ENAM: variants seen among roughly 807,000 people sequenced by gnomAD.
ENAM encodes the protein enamelin.
ENAM carries 21 observed loss-of-function variants against 33.6 expected under a neutral mutation model. That is an observed-to-expected ratio of 0.63 (90% confidence interval 0.44 to 0.90). ENAM has a LOEUF of 0.90. Ranked by LOEUF, ENAM falls within the 40% of genes least tolerant of loss-of-function variation. The pLI, the probability that ENAM is intolerant of heterozygous loss-of-function variation, is 0.00. For missense variants in ENAM, 1,388 were observed against 1,366.9 expected (o/e 1.02, Z -0.24); for synonymous variants, 473 against 468.4 (o/e 1.01, Z -0.13).
In ENAM at chr4:70,643,196, T is replaced by C; in HGVS notation, c.1770T>C (p.Pro590=). ...PGRQEEHLPH[P]SHGSRGSVFY... ...GGCAAGAAGAACATTTACCCCATCC[T>C]TCCCATGGTTCTAGAGGAAGTGTTT... Residue 590 remains proline (P), a synonymous_variant, in exon 9 of 9, where the codon CCT becomes CCC. Transcript: ENST00000396073. 6.2e-7 allele frequency: 1 copy of C among 1,613,814 alleles called. No homozygotes were observed. Among genetic ancestry groups the C allele is most frequent in the Non-Finnish European group, 8.5e-7 (1 of 1,179,950 alleles).
At chr4:70,635,676 T>TTATTATCATTATCGTCTTTGCCC (rs1738432458) in intron 6 of ENAM, among the ~76,000 whole-genome samples, 156 bp from the exon 7 acceptor site, 1 of 152,248 alleles carries the variant, frequency 6.6e-6, no homozygotes, top group East Asian at 1.9e-4. Context: ...ATACTAATTG[T>TTATTATCATTATCGTCTTTGCCC]TATTATCATT....
At position 70,644,178 on chromosome 4, in the gene ENAM, C is replaced by G. The variant is rs1383902742; in HGVS notation, c.2752C>G (p.Gln918Glu). Residue 918 changes from glutamine to glutamate, a missense_variant, in exon 9 of 9, where the codon CAG becomes GAG. Transcript: ENST00000396073. ...PLYTDGSHTK[Q>E]TRDIISPTSI... ...GTATACAGACGGTAGTCATACCAAG[C>G]AGACAAGAGATATCATCTCCCCAAC... 4 of 1,614,108 alleles carry G rather than the reference C, an allele frequency of 2.5e-6. No individual in the cohort carries two copies. Among genetic ancestry groups the G allele is most frequent in the Non-Finnish European group, 3.4e-6 (4 of 1,180,012 alleles).
rs1345692734 is a variant in ENAM at position 70,629,458 on chromosome 4, G to C, written c.-43G>C. 2 of 1,448,192 alleles carry C rather than the reference G, an allele frequency of 1.4e-6. No homozygotes were observed. Among genetic ancestry groups the C allele is most frequent in the Non-Finnish European group, 1.9e-6 (2 of 1,028,756 alleles). 89.7% of individuals were successfully genotyped at this position (1,448,192 alleles called of 1,614,324 possible). On this transcript the variant is annotated 5_prime_UTR_variant, in exon 2 of 9. Coordinates refer to ENST00000396073, the MANE Select transcript of ENAM (RefSeq NM_031889.3). Reference sequence around the variant, plus strand: ...TATTTTAGTTTCTTCTCAGGTTAAAGCTGTATTTTTCTTAAAGGCTTATAA... The same window carrying C: ...TATTTTAGTTTCTTCTCAGGTTAAACCTGTATTTTTCTTAAAGGCTTATAA...
Position 70,643,615 on chromosome 4 carries a change from CATATA to C in ENAM, c.2193_2197del (p.Asn732SerfsTer16), listed in dbSNP as rs1380604932. ...TGGAGCCCGGATGAGAATTTTCCATCATATAATACAGCTTCTACTATGCCACCACC... is the reference window on the plus strand; with the variant it reads ...TGGAGCCCGGATGAGAATTTTCCATCATACAGCTTCTACTATGCCACCACC... On this transcript the variant is annotated frameshift_variant, in exon 9 of 9. Coordinates refer to ENST00000396073, the MANE Select transcript of ENAM (RefSeq NM_031889.3). LOFTEE classifies it low-confidence loss of function (END_TRUNC). 3.1e-6 allele frequency: 5 copies of C among 1,614,048 alleles called. No individual in the cohort carries two copies. Among genetic ancestry groups the C allele is most frequent in the Non-Finnish European group, 4.2e-6 (5 of 1,180,000 alleles).
intron 8 of ENAM, 132 bp from the exon 9 acceptor site, chr4:70,641,883 A>C: frequency 1.3e-6 from 1 of 750,474 alleles, no homozygotes; most frequent in South Asian, 1.5e-5. Context: ...AAATTTCAAG[A>C]AAGAAAGTAA....
In ENAM at chr4:70,634,611, G is replaced by T. The variant is rs377238799; in HGVS notation, c.471+43G>T. ...AAATTCCATATCTGTAAATGGCCTC[G>T]GAGAGATTTGGAGGGCCATGCCACC... On this transcript the variant is annotated intron_variant, in intron 6 of 8. Coordinates refer to ENST00000396073, the MANE Select transcript of ENAM (RefSeq NM_031889.3). The T allele has an allele frequency of 7.6e-6, 12 of 1,586,038 alleles. No individual in the cohort carries two copies. The African/African-American group carries it at 1.6e-4, about 21-fold the overall frequency.
chr4:70,634,558 A>G lies in ENAM; in HGVS notation c.461A>G (p.Gln154Arg), dbSNP rs1440331930. The part of the protein sequence containing the change: ...HNQPQPEEEA[Q>R]PPQAFPPFGN... ...CAACCTCAGCCCGAAGAGGAAGCTC[A>G]ACCCCCTCAGGTGAGACTTGCACAG... The change falls in exon 6 of 9, where the codon CAA (glutamine) becomes CGA (arginine). Residue 154 changes from glutamine to arginine, a missense_variant. Gln to Arg is a conservative substitution (Grantham distance 43). Coordinates refer to ENST00000396073, the MANE Select transcript of ENAM (RefSeq NM_031889.3). 6.2e-7 allele frequency: 1 copy of G among 1,613,184 alleles called. No homozygotes were observed. The highest frequency in any genetic ancestry group is 1.3e-5 in the African/African-American group (1 of 74,908).
Position 70,635,848 on chromosome 4 carries a change from G to C in ENAM, c.488G>C (p.Gly163Ala). ...AQPPQAFPPF[G>A]NGLFPYQQPP... The stretch of plus-strand genomic sequence containing the variant: ...TCTCTCTAGGCATTCCCACCATTTG[G>C]AAATGGGCTATTCCCCTATCAACAA... Residue 163 changes from glycine to alanine, a missense_variant, in exon 7 of 9, where the codon GGA (glycine) becomes GCA (alanine). By Grantham distance (60) the Gly-to-Ala change is moderately conservative. Coordinates refer to ENST00000396073, the MANE Select transcript of ENAM (RefSeq NM_031889.3). 6.2e-7 allele frequency: 1 copy of C among 1,607,862 alleles called. No individual in the cohort carries two copies. The highest frequency in any genetic ancestry group is 8.5e-7 in the Non-Finnish European group (1 of 1,175,094).
chr4:70,638,778 TTTTC>T (rs1035336708), intron 8 of ENAM, among the ~76,000 whole-genome samples: 2 of 151,480 alleles, frequency 1.3e-5, no homozygotes, highest in African/African-American at 4.8e-5. Flanking sequence ...CTTATCTTTC[TTTTC>T]TTTCTTTCTT....
In ENAM at chr4:70,637,440, C is replaced by G. The variant is rs376409157; in HGVS notation, c.535-350C>G. On this transcript the variant is annotated intron_variant, in intron 7 of 8. Transcript: ENST00000396073. Reference sequence around the variant, plus strand: ...AGCACTCAAATTTCTCTCTCTCACCCTCTCTCTGTATGTGTGTGCATGGTG... The same window carrying G: ...AGCACTCAAATTTCTCTCTCTCACCGTCTCTCTGTATGTGTGTGCATGGTG... 6.6e-5 allele frequency among the ~76,000 whole-genome samples: 10 copies of G among 152,206 alleles called. No homozygotes were observed. The East Asian group carries it at 1.9e-3, about 29-fold the overall frequency.
At position 70,644,520 on chromosome 4, in the gene ENAM, G is replaced by T. The variant is rs1282870819; in HGVS notation, c.3094G>T (p.Gly1032Cys). ...GTPDEGSNPEGIQSQVQENES... is the reference protein window; with the variant it reads ...GTPDEGSNPECIQSQVQENES... ...ACCTGATGAAGGCTCCAATCCAGAA[G>T]GCATCCAAAGTCAAGTCCAAGAAAA... is the stretch of plus-strand genomic sequence containing the variant. The change falls in exon 9 of 9, where the codon GGC becomes TGC. Residue 1032 changes from glycine to cysteine, a missense_variant. Coordinates refer to ENST00000396073, the MANE Select transcript of ENAM (RefSeq NM_031889.3). 6.2e-7 allele frequency: 1 copy of T among 1,614,052 alleles called. No homozygotes were observed.
intron 8 of ENAM, among the ~76,000 whole-genome samples, chr4:70,640,935 G>A (rs143420500): frequency 6.6e-6 from 1 of 152,128 alleles, no homozygotes; most frequent in Admixed American, 6.6e-5. Context: ...ATACTCTGAC[G>A]GCAGTGCAGA....
At chr4:70,631,326 G>A (rs1738311843) in intron 2 of ENAM, among the ~76,000 whole-genome samples, 1 of 151,818 alleles carries the variant, frequency 6.6e-6, no homozygotes, top group African/African-American at 2.4e-5. Context: ...CCTATTTGGG[G>A]GATAACCTCC....
In ENAM at chr4:70,643,700, T is replaced by C. The variant is rs998471876; in HGVS notation, c.2274T>C (p.Thr758=). Residue 758 remains threonine, a synonymous_variant, in exon 9 of 9, where the codon ACT becomes ACC. Transcript: ENST00000396073. ...ATGCCGCTGGACCAGAAGAAAGCAC[T>C]CTATTTCCTTCACGGAATTCCTGGG... is the stretch of plus-strand genomic sequence containing the variant. ...VNNAAGPEES[T]LFPSRNSWDH... 8 of 1,613,986 alleles carry C rather than the reference T, an allele frequency of 5.0e-6. No homozygotes were observed. The highest frequency in any genetic ancestry group is 6.8e-6 in the Non-Finnish European group (8 of 1,180,018).
chr4:70,636,332 T>C (rs1738451605), intron 7 of ENAM, among the ~76,000 whole-genome samples: 1 of 152,264 alleles, frequency 6.6e-6, no homozygotes, highest in South Asian at 2.1e-4. Context: ...GCCACAGATA[T>C]ATCATTATAA....
rs1490428546 is a variant in ENAM, at chr4:70,637,541, C to T, written c.535-249C>T. On this transcript the variant is annotated intron_variant, in intron 7 of 8. Transcript: ENST00000396073. ...AAGGAGGATTGCCAACAGATGCAGCCATACAGAGTATTTTAAGTAGGATAA... is the reference window on the plus strand; with the variant it reads ...AAGGAGGATTGCCAACAGATGCAGCTATACAGAGTATTTTAAGTAGGATAA... The T allele has an allele frequency of 5.8e-6, 3 of 514,280 alleles. No homozygotes were observed. The East Asian group carries it at 1.0e-4, about 17-fold the overall frequency. 31.9% of individuals were successfully genotyped at this position (514,280 alleles called of 1,614,324 possible). A position where few individuals can be genotyped will look rare whatever the true frequency, so the allele number is the denominator to read the frequency against.
At chr4:70,635,407 G>T (rs2926179) in intron 6 of ENAM, among the ~76,000 whole-genome samples, 35 of 152,184 alleles carry the variant, frequency 2.3e-4, no homozygotes, top group African/African-American at 8.2e-4. Flanking sequence ...CTGGCTTTTG[G>T]TCAGTTAACA....
chr4:70,631,606 G>A (rs1238582828), intron 2 of ENAM, 64 bp from the exon 3 acceptor site: 4 of 1,189,762 alleles, frequency 3.4e-6, no homozygotes, highest in African/African-American at 3.0e-5. Flanking sequence ...ACTTAGATAA[G>A]TGCAGAGTGC....
chr4:70,642,602 C>T lies in ENAM; in HGVS notation c.1176C>T (p.Pro392=), dbSNP rs776010409. Residue 392 remains proline (P), a synonymous_variant, in exon 9 of 9, where the codon CCC becomes CCT. Transcript: ENST00000396073. ...AYPPTSRGNY[P]NYAGNPANLR... ...CTCCTACTTCAAGAGGCAATTATCC[C>T]AATTATGCAGGAAATCCAGCAAATC... 1 of 1,613,998 alleles carries T rather than the reference C, an allele frequency of 6.2e-7. No homozygotes were observed. Among genetic ancestry groups the T allele is most frequent in the Non-Finnish European group, 8.5e-7 (1 of 1,179,976 alleles).
Sources: gnomAD v4.1 joint callset for allele counts (sites outside exome capture counted in the v4.1 genomes callset) on GRCh38, gnomAD v4.1.1 for gene constraint, MANE v1.5 for transcripts, NCBI Gene and HGNC (gene_info 2026-07-23, HGNC 2026-07-21) for gene names.